SNTG1: variants seen among roughly 807,000 people sequenced by gnomAD.
SNTG1 encodes the protein syntrophin gamma 1.
Under a neutral mutation model 74.7 loss-of-function variants are expected in SNTG1, and 39 were observed. That is an observed-to-expected ratio of 0.52 (90% CI 0.40 to 0.68). The LOEUF (loss-of-function observed/expected upper bound fraction) is 0.68, where lower values mean the gene tolerates loss of function less well. SNTG1 is among the 30% of genes least tolerant of loss of function. The probability of loss-of-function intolerance (pLI) is 0.00; values close to 1 mark genes in which losing one functional copy is unlikely to be tolerated. For missense variants in SNTG1, 685 were observed against 609.5 expected, an observed-to-expected ratio of 1.12 and a Z score of -1.30; for synonymous variants, 254 against 217.1, an observed-to-expected ratio of 1.17 and a Z score of -1.49.
chr8:50,089,701 AAT>A (rs1435327209), intron 1 of SNTG1, among the ~76,000 whole-genome samples: 1 of 152,234 alleles, frequency 6.6e-6, no homozygotes, highest in African/African-American at 2.4e-5. Flanking sequence ...TCAAAACCAC[AAT>A]GAGATACCAT....
chr8:50,005,402 G>T (rs756804314), intron 1 of SNTG1, among the ~76,000 whole-genome samples: 8 of 150,618 alleles, frequency 5.3e-5, no homozygotes, highest in Non-Finnish European at 8.9e-5. Flanking sequence ...TTCCTTTTAT[G>T]TTTCTCATAT....
At chr8:50,633,719 A>G (rs979574601) in intron 13 of SNTG1, among the ~76,000 whole-genome samples, 5 of 152,134 alleles carry the variant, frequency 3.3e-5, no homozygotes, top group Non-Finnish European at 7.4e-5. Flanking sequence ...GTAGGAAATG[A>G]ACCCCAAATT....
At chr8:50,313,142 C>A (rs565243840) in intron 2 of SNTG1, among the ~76,000 whole-genome samples, 1 of 149,870 alleles carries the variant, frequency 6.7e-6, no homozygotes, top group Non-Finnish European at 1.5e-5. Flanking sequence ...CCTTATCTCA[C>A]CCCATATACA....
Position 50,450,773 on chromosome 8 carries a change from A to G in SNTG1, c.363+44A>G, listed in dbSNP as rs141950143. Reference sequence around the variant, plus strand: ...AATGTCATAGTTTTCCCCATGTGCAAATAAGAATTTAGTGCATTGCTAAAG... The same window carrying G: ...AATGTCATAGTTTTCCCCATGTGCAGATAAGAATTTAGTGCATTGCTAAAG... On this transcript the variant is annotated intron_variant, in intron 8 of 18. Coordinates refer to ENST00000642720, the MANE Select transcript of SNTG1 (RefSeq NM_018967.5). 6,819 of 1,591,818 alleles carry G rather than the reference A, an allele frequency of 4.3e-3. 254 individuals carry two copies. The Admixed American group carries it at 0.08, about 19-fold the overall frequency.
At chr8:50,425,661 A>G (rs568325671) in intron 4 of SNTG1, among the ~76,000 whole-genome samples, 4 of 152,328 alleles carry the variant, frequency 2.6e-5, no homozygotes, top group South Asian at 4.1e-4. Flanking sequence ...GTTTTCCATG[A>G]AACCAGTCCC....
At chr8:49,912,677 G>A (rs1243304590) in intron 1 of SNTG1, among the ~76,000 whole-genome samples, 2 of 152,032 alleles carry the variant, frequency 1.3e-5, no homozygotes, top group African/African-American at 4.8e-5. Context: ...ACTATGCATG[G>A]GAACAAATAC....
At chr8:50,012,897 A>G (rs1305860515) in intron 1 of SNTG1, among the ~76,000 whole-genome samples, 1 of 150,860 alleles carries the variant, frequency 6.6e-6, no homozygotes, top group Non-Finnish European at 1.5e-5. Context: ...GGGAAAGTAA[A>G]TGGTGTCCCA....
At chr8:49,965,330 T>C (rs1254409882) in intron 1 of SNTG1, among the ~76,000 whole-genome samples, 1 of 152,200 alleles carries the variant, frequency 6.6e-6, no homozygotes, top group Admixed American at 6.5e-5. Context: ...AATACTCCTT[T>C]TTATATGAGT....
At chr8:50,551,974 G>A (rs1342791762) in intron 11 of SNTG1, among the ~76,000 whole-genome samples, 1 of 152,028 alleles carries the variant, frequency 6.6e-6, no homozygotes, top group African/African-American at 2.4e-5. Context: ...TGCTCTATGG[G>A]GTTTTCTTTG....
At position 50,125,778 on chromosome 8, in the gene SNTG1, A is replaced by T. The variant is rs2081119053; in HGVS notation, c.-102-46783A>T. On this transcript the variant is annotated intron_variant, in intron 1 of 18. Coordinates refer to ENST00000642720, the MANE Select transcript of SNTG1 (RefSeq NM_018967.5). ...TGGTGTGTTACGTTGCTGTATTAAG[A>T]TGTGCTGGGTGGCAATCATATGCTG... Among the ~76,000 whole-genome samples the T allele has an allele frequency of 1.3e-5, 2 of 152,036 alleles. 1 individual carries two copies. The highest frequency in any genetic ancestry group is 4.8e-5 in the African/African-American group (2 of 41,416).
chr8:50,727,343 C>G (rs981027288), intron 17 of SNTG1, among the ~76,000 whole-genome samples: 4 of 152,164 alleles, frequency 2.6e-5, no homozygotes, highest in African/African-American at 9.7e-5. Context: ...ATTTTAATCT[C>G]TATACAAGCT....
At chr8:49,940,751 T>TA (rs1808612792) in intron 1 of SNTG1, among the ~76,000 whole-genome samples, 1 of 152,114 alleles carries the variant, frequency 6.6e-6, no homozygotes, top group African/African-American at 2.4e-5. Context: ...TAGAGAGAGA[T>TA]ACCAAATATT....
intron 1 of SNTG1, among the ~76,000 whole-genome samples, chr8:49,962,568 C>G (rs1468492578): frequency 2.0e-5 from 3 of 151,852 alleles, no homozygotes; most frequent in South Asian, 2.1e-4. Flanking sequence ...CAGATAGAGA[C>G]AGTAGATGCA....
chr8:50,520,060 C>A lies in SNTG1; in HGVS notation c.467-10117C>A, dbSNP rs764010724. 2.5e-4 allele frequency among the ~76,000 whole-genome samples: 38 copies of A among 152,108 alleles called. 1 individual carries two copies. The highest frequency in any genetic ancestry group is 4.7e-4 in the Non-Finnish European group (32 of 68,024). On this transcript the variant is annotated intron_variant, in intron 9 of 18. Coordinates refer to ENST00000642720, the MANE Select transcript of SNTG1 (RefSeq NM_018967.5). ...AAACAATACTACAAGGCTGCAGTAA[C>A]CAAAATGGCATGGTACTGGTAACAA...
At chr8:50,567,234 G>T (rs1305570282) in intron 12 of SNTG1, among the ~76,000 whole-genome samples, 4 of 152,118 alleles carry the variant, frequency 2.6e-5, no homozygotes, top group African/African-American at 9.6e-5. Flanking sequence ...AGAGGAGGCA[G>T]GTAAAATGCT....
intron 17 of SNTG1, among the ~76,000 whole-genome samples, chr8:50,722,896 C>T (rs1338617481): frequency 6.6e-6 from 1 of 152,088 alleles, no homozygotes; most frequent in Non-Finnish European, 1.5e-5. Context: ...TTTTGACTGT[C>T]AAAAACAAAC....
intron 1 of SNTG1, among the ~76,000 whole-genome samples, chr8:49,952,733 A>G (rs1472802644): frequency 1.3e-5 from 2 of 152,246 alleles, no homozygotes; most frequent in East Asian, 1.9e-4. Context: ...ATGTAGATGT[A>G]CAGATAGATG....
chr8:50,492,713 G>T (rs895297044), intron 8 of SNTG1, among the ~76,000 whole-genome samples: 5 of 152,112 alleles, frequency 3.3e-5, no homozygotes, highest in African/African-American at 1.2e-4. Context: ...AGTTTCTTTG[G>T]CTGTGCAGAA....
chr8:50,012,009 T>C (rs1369461001), intron 1 of SNTG1, among the ~76,000 whole-genome samples: 1 of 152,192 alleles, frequency 6.6e-6, no homozygotes, highest in African/African-American at 2.4e-5. Context: ...TCCTCAAGTT[T>C]GTCTTTGGGT....
Sources: allele counts gnomAD v4.1 joint callset (sites outside exome capture counted in the v4.1 genomes callset), GRCh38; gene constraint gnomAD v4.1.1; transcripts MANE v1.5; gene names NCBI Gene and HGNC (gene_info 2026-07-23, HGNC 2026-07-21).